REDIC1: variants seen among roughly 807,000 people sequenced by gnomAD.
REDIC1 encodes the protein HEI10 Interacting Protein 1.
chr12:39,697,837 A>G, the REDIC1 span, among the ~76,000 whole-genome samples: 2 of 152,216 alleles, frequency 1.3e-5, no homozygotes, highest in Non-Finnish European at 2.9e-5. Context: ...ACAAGAAGGA[A>G]GGAAAGACGA....
chr12:39,643,776 T>C, the REDIC1 span: 1 of 1,509,778 alleles, frequency 6.6e-7, no homozygotes, highest in Non-Finnish European at 9.1e-7. Context: ...TTAATTATTT[T>C]AGGAATATTT....
the REDIC1 span, chr12:39,871,977 T>G: frequency 6.4e-7 from 1 of 1,551,570 alleles, no homozygotes; most frequent in African/African-American, 1.4e-5. Context: ...AAGCAATGAA[T>G]AAAACAATTG....
At chr12:39,682,658 A>G in the REDIC1 span, 4 of 1,609,118 alleles carry the variant, frequency 2.5e-6, no homozygotes, top group Non-Finnish European at 3.4e-6. Flanking sequence ...GTAATTATGG[A>G]TGAAGATTGT....
the REDIC1 span, among the ~76,000 whole-genome samples, chr12:39,906,012 T>G: frequency 1.3e-5 from 2 of 152,166 alleles, no homozygotes. Context: ...TTAAGAGGAC[T>G]CTCATAATCT....
chr12:39,871,970 C>A, the REDIC1 span: 1 of 1,565,202 alleles, frequency 6.4e-7, no homozygotes, highest in Non-Finnish European at 8.6e-7. Context: ...ACCTGCAAAG[C>A]AATGAATAAA....
chr12:39,819,500 G>A, the REDIC1 span, among the ~76,000 whole-genome samples: 2 of 151,996 alleles, frequency 1.3e-5, no homozygotes, highest in South Asian at 4.2e-4. Flanking sequence ...GTTCCTAAAA[G>A]CCCGGGCTGA....
chr12:39,807,328 T>C, the REDIC1 span, among the ~76,000 whole-genome samples: 1 of 152,056 alleles, frequency 6.6e-6, no homozygotes, highest in Non-Finnish European at 1.5e-5. Context: ...CTGTATAAAA[T>C]ACACACACAT....
the REDIC1 span, among the ~76,000 whole-genome samples, chr12:39,862,130 T>C: frequency 6.6e-6 from 1 of 152,274 alleles, no homozygotes; most frequent in African/African-American, 2.4e-5. Context: ...ATACATTCAG[T>C]CCAGAGAATT....
chr12:39,653,585 C>CTTCTTCTTCTTT, the REDIC1 span, among the ~76,000 whole-genome samples: 2 of 75,218 alleles, frequency 2.7e-5, no homozygotes, highest in Non-Finnish European at 5.4e-5. Context: ...TCTTCCTCTT[C>CTTCTTCTTCTTT]TTCTTCCTCT....
chr12:39,837,153 T>C, the REDIC1 span, among the ~76,000 whole-genome samples: 661 of 129,158 alleles, frequency 5.1e-3, 4 homozygotes, highest in African/African-American at 0.019. Context: ...TATAGATCAA[T>C]GGAACAGAAC....
the REDIC1 span, among the ~76,000 whole-genome samples, chr12:39,702,716 C>A: frequency 1.2e-4 from 18 of 152,192 alleles, no homozygotes; most frequent in Admixed American, 2.6e-4. Flanking sequence ...TCCAGCAGCA[C>A]ATGAAAAAGC....
the REDIC1 span, among the ~76,000 whole-genome samples, chr12:39,743,056 C>T: frequency 1.4e-4 from 5 of 36,886 alleles, no homozygotes; most frequent in African/African-American, 1.3e-4. Context: ...TATAGAGTGA[C>T]GATGGGAGAA....
the REDIC1 span, among the ~76,000 whole-genome samples, chr12:39,877,182 C>T: frequency 1.3e-5 from 2 of 152,050 alleles, no homozygotes; most frequent in South Asian, 2.1e-4. Flanking sequence ...TATAAAGACA[C>T]ATCTAAGACT....
At chr12:39,899,951 G>A in the REDIC1 span, among the ~76,000 whole-genome samples, 1 of 152,100 alleles carries the variant, frequency 6.6e-6, no homozygotes, top group East Asian at 1.9e-4. Context: ...AAAAAATACT[G>A]GCAAACCGAA....
the REDIC1 span, among the ~76,000 whole-genome samples, chr12:39,644,218 G>C: frequency 6.6e-6 from 1 of 151,634 alleles, no homozygotes; most frequent in African/African-American, 2.4e-5. Flanking sequence ...AGTTTAGCTA[G>C]AGAGCAGGGA....
At chr12:39,712,964 CGTGTATATGTATATATACATGTGT>C in the REDIC1 span, among the ~76,000 whole-genome samples, 1 of 17,162 alleles carries the variant, frequency 5.8e-5, no homozygotes, top group African/African-American at 2.2e-4. Context: ...TATGCATATA[CGTGTATATGTATATATACATGTGT>C]ATATACGTGT....
chr12:39,646,702 T>A, the REDIC1 span: 1 of 580,132 alleles, frequency 1.7e-6, no homozygotes, highest in Non-Finnish European at 2.8e-6. Context: ...TTATAAAACT[T>A]AGTAATATTA....
At chr12:39,700,660 G>A in the REDIC1 span, among the ~76,000 whole-genome samples, 2 of 151,932 alleles carry the variant, frequency 1.3e-5, no homozygotes, top group Non-Finnish European at 2.9e-5. Flanking sequence ...TGAAATGAAG[G>A]AAAAAATGTT....
chr12:39,705,737 A>C, the REDIC1 span, among the ~76,000 whole-genome samples: 1 of 152,130 alleles, frequency 6.6e-6, no homozygotes, highest in African/African-American at 2.4e-5. Flanking sequence ...TTGATGCTGA[A>C]AAAGCATTTG....
Sources: allele counts gnomAD v4.1 joint callset (sites outside exome capture counted in the v4.1 genomes callset), GRCh38; gene constraint gnomAD v4.1.1; transcripts MANE v1.5; gene names NCBI Gene and HGNC (gene_info 2026-07-23, HGNC 2026-07-21).